ARHGAP18: variants seen among roughly 807,000 people sequenced by gnomAD.
ARHGAP18 encodes the protein rho GTPase-activating protein 18.
ARHGAP18 carries 67 observed loss-of-function variants against 86.2 expected under a neutral mutation model. The observed-to-expected ratio is 0.78, with a 90% CI of 0.64 to 0.95. ARHGAP18 has a LOEUF of 0.95. ARHGAP18 is among the 40% of genes least tolerant of loss of function. The probability of loss-of-function intolerance (pLI) is 0.00; values close to 1 mark genes in which losing one functional copy is unlikely to be tolerated. For synonymous variants in ARHGAP18, 283 were observed against 280.4 expected, an observed-to-expected ratio of 1.01 and a Z score of -0.09; for missense variants, 691 against 780.4, an observed-to-expected ratio of 0.89 and a Z score of 1.37.
Position 129,709,989 on chromosome 6 carries a change from G to A in ARHGAP18, c.113+35C>T, listed in dbSNP as rs527891185. The A allele has an allele frequency of 7.6e-5, 117 of 1,535,152 alleles. No homozygotes were observed. The East Asian group carries it at 2.6e-3, about 34-fold the overall frequency. On this transcript the variant is annotated intron_variant, in intron 1 of 14. Transcript: ENST00000368149. ...CACTTTCTTCCTGGAGCAGGTAAGAGGGTTTTGTTTTGTTTTCAGCTTCCG... is the reference window on the plus strand; with the variant it reads ...CACTTTCTTCCTGGAGCAGGTAAGAAGGTTTTGTTTTGTTTTCAGCTTCCG...
intron 13 of ARHGAP18, 51 bp downstream of exon 13, chr6:129,583,937 G>C (rs764259905): frequency 1.9e-5 from 29 of 1,561,710 alleles, no homozygotes; most frequent in Non-Finnish European, 2.5e-5. Context: ...GCGAGAGAGA[G>C]AGAGCAAGTG....
intron 1 of ARHGAP18, among the ~76,000 whole-genome samples, chr6:129,699,006 T>G (rs978953973): frequency 6.6e-6 from 1 of 151,918 alleles, no homozygotes; most frequent in African/African-American, 2.4e-5. Flanking sequence ...GCCTGGCTAA[T>G]TTTTGTATTT....
In ARHGAP18 at chr6:129,641,903, C is replaced by T. The variant is rs146502081; in HGVS notation, c.229G>A (p.Asp77Asn). Residue 77 changes from aspartate to asparagine, a missense_variant, in exon 2 of 15, where the codon GAC becomes AAC. Physicochemically the swap from Asp to Asn is conservative, Grantham distance 23. Transcript: ENST00000368149. ...QDSLDELSME[D>N]YWIELENIKK... ...ATGTTTTCTAGTTCTATCCAATAGT[C>T]TTCCATAGATAGTTCATCCAAAGAA... 617 of 1,613,722 alleles carry T rather than the reference C, an allele frequency of 3.8e-4. 1 individual carries two copies. In the Middle Eastern group the frequency reaches 7.6e-3, roughly 20 times the overall value.
chr6:129,678,468 C>T (rs1774272346), intron 1 of ARHGAP18, among the ~76,000 whole-genome samples: 1 of 152,182 alleles, frequency 6.6e-6, no homozygotes, highest in Admixed American at 6.5e-5. Flanking sequence ...GGAGATATAG[C>T]AACCAAATAC....
chr6:129,593,187 T>G (rs981676643), intron 12 of ARHGAP18, among the ~76,000 whole-genome samples: 3 of 152,098 alleles, frequency 2.0e-5, no homozygotes, highest in Non-Finnish European at 4.4e-5. Context: ...CCAGGCCAGG[T>G]GCAGTGGCTT....
intron 10 of ARHGAP18, among the ~76,000 whole-genome samples, chr6:129,603,122 G>T (rs368800445): frequency 1.3e-5 from 2 of 151,968 alleles, no homozygotes; most frequent in East Asian, 1.9e-4. Flanking sequence ...TACCCAATAT[G>T]CAGTCTTTTA....
rs747301742 is a variant in ARHGAP18 at position 129,600,791 on chromosome 6, C to T, written c.1423G>A (p.Val475Ile). 1 of 1,613,524 alleles carries T rather than the reference C, an allele frequency of 6.2e-7. No homozygotes were observed. Among genetic ancestry groups the T allele is most frequent in the Non-Finnish European group, 8.5e-7 (1 of 1,179,754 alleles). Residue 475 changes from valine (V) to isoleucine (I), a missense_variant, in exon 11 of 15, where the codon GTC becomes ATC. By Grantham distance (29) the Val-to-Ile change is conservative (BLOSUM62 3). Transcript: ENST00000368149. ...GCCATGACCATTGCTACATTCATGA[C>T]TGTCATTTTATTTTTTTCTTTATTA... ...IDNKEKNKMT[V>I]MNVAMVMAPN... is the part of the protein sequence containing the mutation.
intron 1 of ARHGAP18, among the ~76,000 whole-genome samples, chr6:129,709,136 A>G (rs1774855805): frequency 6.6e-6 from 1 of 152,204 alleles, no homozygotes; most frequent in African/African-American, 2.4e-5. Flanking sequence ...TTAAGCATTG[A>G]GGAGGAAATG....
chr6:129,596,084 C>T (rs942158180), intron 12 of ARHGAP18, among the ~76,000 whole-genome samples: 5 of 152,170 alleles, frequency 3.3e-5, no homozygotes, highest in Non-Finnish European at 5.9e-5. Flanking sequence ...AGTCTATTCT[C>T]AACACAACAG....
At chr6:129,601,720 C>T (rs941079575) in intron 10 of ARHGAP18, among the ~76,000 whole-genome samples, 7 of 151,128 alleles carry the variant, frequency 4.6e-5, no homozygotes, top group African/African-American at 1.2e-4. Context: ...TCAAACTCCT[C>T]GGCTCAAGTG....
In ARHGAP18 at chr6:129,608,058, AGGCACG is replaced by A; in HGVS notation, c.1123-12_1123-7del. On this transcript the variant is annotated splice_polypyrimidine_tract_variant and splice_region_variant and intron_variant, in intron 8 of 14. Transcript: ENST00000368149. ...TCTAGTTCTTGGCAAAGATTCTGAT[AGGCACG>A]AAAAAAAAAAAAAAAAAAAAAAGAA... 1.2e-6 allele frequency: 1 copy of A among 864,932 alleles called. No homozygotes were observed. Among genetic ancestry groups the A allele is most frequent in the Non-Finnish European group, 1.7e-6 (1 of 586,318 alleles). 53.6% of individuals were successfully genotyped at this position (864,932 alleles called of 1,614,324 possible).
Position 129,618,520 on chromosome 6 carries a change from G to A in ARHGAP18, c.952+167C>T, listed in dbSNP as rs151316745. 1.2e-4 allele frequency among the ~76,000 whole-genome samples: 19 copies of A among 152,172 alleles called. No homozygotes were observed. In the East Asian group the frequency reaches 2.3e-3, roughly 19 times the overall value. ...GTCTAGGACACAGTGTATCTCTATC[G>A]TTATAAAACTTTTGAAGGCAACATC... On this transcript the variant is annotated intron_variant, in intron 6 of 14. Transcript: ENST00000368149.
chr6:129,710,160 T>C lies in ARHGAP18; in HGVS notation c.-24A>G, dbSNP rs760545668. On this transcript the variant is annotated 5_prime_UTR_variant, in exon 1 of 15. Coordinates refer to ENST00000368149, the MANE Select transcript of ARHGAP18 (RefSeq NM_033515.3). ...ATGGTGAGAGAAGGGACATACTTTC[T>C]GCGATCCTGACACAGAGAAGGGGAA... 1.9e-6 allele frequency: 3 copies of C among 1,571,406 alleles called. No homozygotes were observed. The East Asian group carries it at 6.7e-5, about 35-fold the overall frequency.
chr6:129,661,299 G>A (rs1215681185), intron 1 of ARHGAP18, among the ~76,000 whole-genome samples: 5 of 106,170 alleles, frequency 4.7e-5, no homozygotes, highest in Non-Finnish European at 7.6e-5. Flanking sequence ...TCCAGCCTGT[G>A]CAAGAATCTT....
intron 5 of ARHGAP18, 147 bp downstream of exon 5, chr6:129,629,206 A>AG (rs1236628720): frequency 7.4e-6 from 5 of 673,718 alleles, no homozygotes; most frequent in Non-Finnish European, 1.1e-5. Context: ...CAACGTAGTG[A>AG]GGCCTCATCT....
At chr6:129,630,325 C>T (rs1250790459) in intron 4 of ARHGAP18, among the ~76,000 whole-genome samples, 4 of 152,076 alleles carry the variant, frequency 2.6e-5, no homozygotes, top group Admixed American at 2.0e-4. Flanking sequence ...GGAGAAGATA[C>T]TTCTAAATTT....
intron 1 of ARHGAP18, among the ~76,000 whole-genome samples, chr6:129,658,218 A>AT (rs1377939057): frequency 6.6e-6 from 1 of 152,056 alleles, no homozygotes; most frequent in African/African-American, 2.4e-5. Flanking sequence ...GTTAGTAGTG[A>AT]TTTTTCACCT....
In ARHGAP18 at chr6:129,657,429, T is replaced by TAAAA. The variant is rs373569721; in HGVS notation, c.114-15415_114-15412dup. Among the ~76,000 whole-genome samples, 394 of 136,640 alleles carry TAAAA rather than the reference T, an allele frequency of 2.9e-3. 1 individual carries two copies. Among genetic ancestry groups the TAAAA allele is most frequent in the African/African-American group, 4.7e-3 (174 of 36,944 alleles). 89.6% of individuals were successfully genotyped at this position (136,640 alleles called of 152,430 possible). A position where few individuals can be genotyped will look rare whatever the true frequency, so the allele number is the denominator to read the frequency against. On this transcript the variant is annotated intron_variant, in intron 1 of 14. Transcript: ENST00000368149. The stretch of plus-strand genomic sequence containing the variant: ...CACTCATTGTCACCATTTTTGAAAT[T>TAAAA]AAAAAAAAAAAAAAAACAACTTAAT...
chr6:129,636,480 A>C (rs1013201174), intron 3 of ARHGAP18, among the ~76,000 whole-genome samples: 4 of 152,248 alleles, frequency 2.6e-5, no homozygotes, highest in African/African-American at 9.6e-5. Context: ...TAATGTCAGA[A>C]TCATGTACAA....
Sources: gnomAD v4.1 joint callset for allele counts (sites outside exome capture counted in the v4.1 genomes callset) on GRCh38, gnomAD v4.1.1 for gene constraint, MANE v1.5 for transcripts, NCBI Gene and HGNC (gene_info 2026-07-23, HGNC 2026-07-21) for gene names.